The following NEB variants were observed in gnomAD, a reference collection of about 807,000 sequenced individuals.
NEB encodes the protein nemaline myopathy type 2.
NEB carries 512 observed loss-of-function variants against 952.2 expected under a neutral mutation model. The observed-to-expected ratio is 0.54, with a 90% confidence interval of 0.50 to 0.58. NEB has a LOEUF of 0.58. NEB is among the 20% of genes least tolerant of loss of function. The pLI is 0.00. For synonymous variants in NEB, 2,900 were observed against 3,149.8 expected (o/e 0.92, Z 2.66); for missense variants, 8,428 against 9,231.1 (o/e 0.91, Z 3.56).
chr2:151,520,748 C>T (rs1360847746), intron 153 of NEB, among the ~76,000 whole-genome samples: 1 of 152,162 alleles, frequency 6.6e-6, no homozygotes, highest in Non-Finnish European at 1.5e-5. Context: ...CCTGTAGTCT[C>T]AGCTACTCAG....
chr2:151,618,047 C>T (rs971002863), intron 74 of NEB, among the ~76,000 whole-genome samples: 1 of 151,986 alleles, frequency 6.6e-6, no homozygotes, highest in Non-Finnish European at 1.5e-5. Context: ...GCGACGAGAA[C>T]AAAACTTAGT....
At chr2:151,507,973 TG>T in intron 162 of NEB, 31 bp downstream of exon 162, 1 of 1,505,984 alleles carries the variant, frequency 6.6e-7, no homozygotes, top group African/African-American at 1.4e-5. Context: ...TAGGTGCCTG[TG>T]GGCTGTGCCT....
chr2:151,727,856 C>A lies in NEB; in HGVS notation c.129G>T (p.Glu43Asp), dbSNP rs1290183134. The A allele has an allele frequency of 6.2e-7, 1 of 1,613,058 alleles. No individual in the cohort carries two copies. Among genetic ancestry groups the A allele is most frequent in the Admixed American group, 1.7e-5 (1 of 59,914 alleles). The change falls in exon 5 of 182, where the codon GAG (glutamate) becomes GAT (aspartate). Residue 43 changes from glutamate (E) to aspartate (D), a missense_variant. This residue lies in a region of NEB where 2,851 missense variants were observed against 2,791.5 expected (regional missense o/e 1.02). Transcript: ENST00000397345. ...GAGCTGGTTTGGAAGTTTCTGATTG[C>A]TCATAGTCAGATGTCCTTGTTGTCG... The part of the protein sequence containing the change: ...ETTTTRTSDY[E>D]QSETSKPALA...
At position 151,490,505 on chromosome 2, in the gene NEB, G is replaced by C; in HGVS notation, c.25164C>G (p.Arg8388=). 1 of 1,609,150 alleles carries C rather than the reference G, an allele frequency of 6.2e-7. No individual in the cohort carries two copies. Among genetic ancestry groups the C allele is most frequent in the Non-Finnish European group, 8.5e-7 (1 of 1,177,818 alleles). ...SLHMINVQAQ[R]RSREQSRSAS... The stretch of plus-strand genomic sequence containing the variant: ...CAGATCGTGACTGCTCCCGGCTCCG[G>C]CGCTGAGCTTGGACTGGGAGAGATG... The change falls in exon 180 of 182, where the codon CGC becomes CGG. Residue 8388 remains arginine, a synonymous_variant. Transcript: ENST00000397345.
intron 167 of NEB, among the ~76,000 whole-genome samples, chr2:151,501,880 A>AT (rs1315249245): frequency 6.6e-6 from 1 of 152,182 alleles, no homozygotes; most frequent in Non-Finnish European, 1.5e-5. Flanking sequence ...TAAAGAATAA[A>AT]TGTTGAAAGC....
chr2:151,620,833 G>A (rs527352987), intron 72 of NEB, 86 bp downstream of exon 72: 24 of 1,035,010 alleles, frequency 2.3e-5, no homozygotes, highest in Admixed American at 1.5e-4. Flanking sequence ...AGGGAGTTAA[G>A]GTGGATGATG....
At chr2:151,506,377 C>G (rs1357628312) in intron 163 of NEB, 119 bp from the exon 164 acceptor site, 1 of 747,426 alleles carries the variant, frequency 1.3e-6, no homozygotes. Flanking sequence ...TGTTCCCAGG[C>G]AAGTGCCAGA....
chr2:151,609,999 T>G lies in NEB; in HGVS notation c.12140A>C (p.Tyr4047Ser). 6.2e-7 allele frequency: 1 copy of G among 1,613,966 alleles called. No homozygotes were observed. Among genetic ancestry groups the G allele is most frequent in the South Asian group, 1.1e-5 (1 of 91,080 alleles). ...TTTCCACTTTTGGAATTCCTTCTTGTACTCCCTTTCACTTTGAATTTTTCC... is the reference window on the plus strand; with the variant it reads ...TTTCCACTTTTGGAATTCCTTCTTGGACTCCCTTTCACTTTGAATTTTTCC... ...HAGKIQSERE[Y>S]KKEFQKWKTK... Residue 4047 changes from tyrosine (Y) to serine (S), a missense_variant, in exon 81 of 182, where the codon TAC becomes TCC. Physicochemically the swap from Tyr to Ser is moderately radical, Grantham distance 144 (BLOSUM62 -2). Around this residue, in one of 11 missense-constraint regions of NEB, gnomAD observed 337 missense variants for 297.5 expected, o/e 1.13. Transcript: ENST00000397345.
chr2:151,530,960 A>G (rs373191528), intron 145 of NEB, 34 bp downstream of exon 145: 30 of 1,432,910 alleles, frequency 2.1e-5, no homozygotes, highest in Non-Finnish European at 2.9e-5. Context: ...GGAGGCCAAG[A>G]TGAGAGGGAC....
intron 13 of NEB, among the ~76,000 whole-genome samples, chr2:151,698,224 T>G (rs1344122064): frequency 6.6e-6 from 1 of 152,218 alleles, no homozygotes; most frequent in Non-Finnish European, 1.5e-5. Context: ...TTCTTTTTTT[T>G]GTAACAGCTT....
In NEB at chr2:151,692,323, T is replaced by G. The variant is rs754331413; in HGVS notation, c.1936A>C (p.Ser646Arg). 6.2e-7 allele frequency: 1 copy of G among 1,613,406 alleles called. No individual in the cohort carries two copies. The highest frequency in any genetic ancestry group is 1.1e-5 in the South Asian group (1 of 91,014). ...TTTGGGGTCTCACAGTAATTCATAC[T>G]CTTTGCCTTTGTCTTCTCATAGTTT... ...KENYEKTKAK[S>R]MNYCETPKYQ... Residue 646 changes from serine to arginine, a missense_variant, in exon 21 of 182, where the codon AGT becomes CGT. By Grantham distance (110) the Ser-to-Arg change is moderately radical. Transcript: ENST00000397345.
chr2:151,651,173 C>G (rs1445347704), intron 52 of NEB, among the ~76,000 whole-genome samples: 1 of 152,146 alleles, frequency 6.6e-6, no homozygotes, highest in Admixed American at 6.6e-5. Flanking sequence ...TGTTTACTTA[C>G]TTAAACTAAG....
At chr2:151,504,326 C>G (rs984968610) in intron 165 of NEB, among the ~76,000 whole-genome samples, 1 of 152,152 alleles carries the variant, frequency 6.6e-6, no homozygotes, top group Non-Finnish European at 1.5e-5. Context: ...AACAAAGTTG[C>G]ATTTCTTTAC....
rs769167022 is a variant in NEB at position 151,650,362 on chromosome 2, G to A, written c.7245C>T (p.Asp2415=). ...ELQSENLYKS[D]LEWLRGIGWS... ...ATCCTATGCCTCTCAGCCACTCAAG[G>A]TCAGATTTATATAGATTCTGTGAAA... Residue 2415 remains aspartate, a synonymous_variant, in exon 54 of 182, where the codon GAC becomes GAT. Coordinates refer to ENST00000397345, the MANE Select transcript of NEB (RefSeq NM_001164508.2). The A allele has an allele frequency of 4.3e-6, 7 of 1,613,558 alleles. No homozygotes were observed. The highest frequency in any genetic ancestry group is 4.5e-5 in the East Asian group (2 of 44,884).
rs933236859 is a variant in NEB, at chr2:151,713,330, C to T, written c.823-2792G>A. Among the ~76,000 whole-genome samples the T allele has an allele frequency of 2.6e-5, 4 of 152,112 alleles. No homozygotes were observed. The South Asian group carries it at 6.2e-4, about 24-fold the overall frequency. ...TGGTTCCATTCATAGAAAAGTTATCCCTGCAGAAAAGGTATAAAGAACCCA... is the reference window on the plus strand; with the variant it reads ...TGGTTCCATTCATAGAAAAGTTATCTCTGCAGAAAAGGTATAAAGAACCCA... On this transcript the variant is annotated intron_variant, in intron 10 of 181. Coordinates refer to ENST00000397345, the MANE Select transcript of NEB (RefSeq NM_001164508.2).
chr2:151,717,855 CTTT>C (rs5835379), intron 9 of NEB, among the ~76,000 whole-genome samples: 3 of 140,264 alleles, frequency 2.1e-5, no homozygotes, highest in Non-Finnish European at 4.6e-5. Context: ...CTCCTTTGTT[CTTT>C]TTTTTTTTTT....
At chr2:151,516,700 G>T (rs1344085967) in intron 156 of NEB, 137 bp from the exon 157 acceptor site, 1 of 672,574 alleles carries the variant, frequency 1.5e-6, no homozygotes, top group African/African-American at 1.8e-5. Context: ...TTCCTGTTAT[G>T]TTTCAGATCC....
rs2096217170 is a variant in NEB at position 151,563,543 on chromosome 2, C to G, written c.18693+63G>C. On this transcript the variant is annotated intron_variant, in intron 119 of 181. Transcript: ENST00000397345. The stretch of plus-strand genomic sequence containing the variant: ...CCTGAACCAAAGGGCAAGTTATAAA[C>G]AGGCAGACACGGCAGCACACTTATG... 2.9e-6 allele frequency: 4 copies of G among 1,401,194 alleles called. No homozygotes were observed. In the Admixed American group the frequency reaches 5.0e-5, roughly 18 times the overall value. 86.8% of individuals were successfully genotyped at this position (1,401,194 alleles called of 1,614,324 possible).
chr2:151,657,304 A>G (rs1280552197), intron 48 of NEB, among the ~76,000 whole-genome samples: 2 of 152,162 alleles, frequency 1.3e-5, no homozygotes, highest in Non-Finnish European at 2.9e-5. Context: ...GATTGTTTTG[A>G]AATATGCTCC....
Sources: gnomAD v4.1 joint callset for allele counts (sites outside exome capture counted in the v4.1 genomes callset) on GRCh38, gnomAD v4.1.1 for gene constraint, gnomAD v4.1.1 regional missense constraint, MANE v1.5 for transcripts, NCBI Gene and HGNC (gene_info 2026-07-23, HGNC 2026-07-21) for gene names.